The following LY96 variants were observed in gnomAD, a reference collection of about 807,000 sequenced individuals.
The protein encoded by LY96 is lymphocyte antigen 96.
A neutral mutation model predicts 18.9 loss-of-function variants in LY96; 18 were observed. That is an observed-to-expected ratio of 0.95 (90% CI 0.66 to 1.41). The LOEUF is 1.41. LY96 is among the 40% of genes most tolerant of loss of function. The pLI, the probability that LY96 is intolerant of heterozygous loss-of-function variation, is 0.00. For missense variants in LY96, 175 were observed against 182.4 expected, an observed-to-expected ratio of 0.96 and a Z score of 0.23; for synonymous variants, 66 against 62.6, an observed-to-expected ratio of 1.06 and a Z score of -0.26.
At chr8:74,085,943 A>G in the LY96 span, among the ~76,000 whole-genome samples, 1 of 152,246 alleles carries the variant, frequency 6.6e-6, no homozygotes, top group Non-Finnish European at 1.5e-5. Flanking sequence ...TACATAATAC[A>G]GTATTGTTAA....
chr8:74,068,079 A>ATAT, the LY96 span, among the ~76,000 whole-genome samples: 67 of 97,232 alleles, frequency 6.9e-4, 3 homozygotes, highest in African/African-American at 4.0e-3. Flanking sequence ...AAAAAAAAAA[A>ATAT]AAAAAAAAAA....
chr8:74,006,866 G>C (rs1057510813), intron 2 of LY96, among the ~76,000 whole-genome samples: 1 of 152,164 alleles, frequency 6.6e-6, no homozygotes, highest in Non-Finnish European at 1.5e-5. Context: ...TAATAAGACA[G>C]TACGAAATCA....
At chr8:74,022,925 T>C (rs967442230) in intron 3 of LY96, among the ~76,000 whole-genome samples, 1 of 152,138 alleles carries the variant, frequency 6.6e-6, no homozygotes, top group African/African-American at 2.4e-5. Flanking sequence ...GTCTCATCCA[T>C]CTTCCTCCCC....
At chr8:74,059,769 C>A in the LY96 span, among the ~76,000 whole-genome samples, 6 of 151,982 alleles carry the variant, frequency 3.9e-5, no homozygotes, top group Admixed American at 1.3e-4. Context: ...GATCTCAGGG[C>A]AAAATATTAG....
the LY96 span, among the ~76,000 whole-genome samples, chr8:74,079,341 ATCTCTTTTTATATGTC>A: frequency 1.3e-5 from 2 of 152,102 alleles, no homozygotes; most frequent in Non-Finnish European, 2.9e-5. Flanking sequence ...TTCATAATAA[ATCTCTTTTTATATGTC>A]TCTCTAAGTA....
At chr8:74,038,662 G>A in the LY96 span, among the ~76,000 whole-genome samples, 1 of 152,174 alleles carries the variant, frequency 6.6e-6, no homozygotes, top group Non-Finnish European at 1.5e-5. Context: ...AAAGTGCTGG[G>A]ATTATAGGCA....
chr8:74,042,313 G>T, the LY96 span, among the ~76,000 whole-genome samples: 4 of 152,294 alleles, frequency 2.6e-5, no homozygotes, highest in East Asian at 5.8e-4. Flanking sequence ...CTGAGGTCAG[G>T]AGTTCAAGAC....
At chr8:74,054,617 C>T in the LY96 span, among the ~76,000 whole-genome samples, 153 of 70,170 alleles carry the variant, frequency 2.2e-3, 1 homozygote, top group African/African-American at 7.3e-3. Context: ...TTTCCTTTTC[C>T]TTCTTTCTTT....
intron 4 of LY96, among the ~76,000 whole-genome samples, chr8:74,027,687 C>T (rs1450702109): frequency 6.6e-6 from 1 of 152,152 alleles, no homozygotes; most frequent in African/African-American, 2.4e-5. Flanking sequence ...AAATTATCGC[C>T]AGACCAACTC....
downstream of LY96, among the ~76,000 whole-genome samples, chr8:74,030,933 C>T (rs148377228): frequency 5.3e-5 from 8 of 152,270 alleles, no homozygotes; most frequent in East Asian, 1.9e-4. Flanking sequence ...GGAGAATCCC[C>T]GAGTACCCAT....
At chr8:74,017,964 C>T (rs563974153) in intron 3 of LY96, among the ~76,000 whole-genome samples, 1 of 152,322 alleles carries the variant, frequency 6.6e-6, no homozygotes, top group South Asian at 2.1e-4. Context: ...ATTGTAGCGA[C>T]TATTGATGCT....
chr8:74,042,952 A>G, the LY96 span, among the ~76,000 whole-genome samples: 5 of 151,740 alleles, frequency 3.3e-5, no homozygotes, highest in Non-Finnish European at 5.9e-5. Flanking sequence ...AATTTTTTGT[A>G]TTTTTAGTAG....
At chr8:74,054,661 TTTC>T in the LY96 span, among the ~76,000 whole-genome samples, 1 of 142,766 alleles carries the variant, frequency 7.0e-6, no homozygotes, top group Non-Finnish European at 1.5e-5. Context: ...TCTTTCTTTC[TTTC>T]TTTCTTTCTT....
rs141504244 is a variant in LY96, at chr8:74,025,964, C to T, written c.332-825C>T. On this transcript the variant is annotated intron_variant, in intron 3 of 4. Transcript: ENST00000284818. ...CAGAGGTTGCAGTGAGCTGAGATCA[C>T]GCCATTGTACTCCGGCCTGGGCAAC... Among the ~76,000 whole-genome samples, 544 of 152,086 alleles carry T rather than the reference C, an allele frequency of 3.6e-3. 6 individuals are homozygous for T. Among genetic ancestry groups the T allele is most frequent in the African/African-American group, 0.012 (487 of 41,496 alleles).
At chr8:74,018,031 G>A (rs987322321) in intron 3 of LY96, among the ~76,000 whole-genome samples, 1 of 152,118 alleles carries the variant, frequency 6.6e-6, no homozygotes, top group African/African-American at 2.4e-5. Context: ...ATAATGACAG[G>A]ATCAAATTCA....
chr8:74,049,877 G>A, the LY96 span, among the ~76,000 whole-genome samples: 2 of 152,190 alleles, frequency 1.3e-5, no homozygotes, highest in Non-Finnish European at 2.9e-5. Flanking sequence ...GTGGAGCCCG[G>A]CATCGTGGTG....
At chr8:74,098,185 C>T in the LY96 span, among the ~76,000 whole-genome samples, 7 of 152,082 alleles carry the variant, frequency 4.6e-5, no homozygotes, top group African/African-American at 1.7e-4. Context: ...TCTAGCCCTT[C>T]GGTATTCAAT....
chr8:74,018,526 T>C (rs1816691861), intron 3 of LY96, among the ~76,000 whole-genome samples: 1 of 152,052 alleles, frequency 6.6e-6, no homozygotes, highest in African/African-American at 2.4e-5. Flanking sequence ...AGACAGAAGG[T>C]TAACAAGGAT....
At chr8:74,030,110 AG>A (rs1300640305), downstream of LY96, among the ~76,000 whole-genome samples, 1 of 152,238 alleles carries the variant, frequency 6.6e-6, no homozygotes. Flanking sequence ...GCATCCTGGG[AG>A]CATGGCAACT....
Sources: allele counts gnomAD v4.1 joint callset (sites outside exome capture counted in the v4.1 genomes callset), GRCh38; gene constraint gnomAD v4.1.1; transcripts MANE v1.5; gene names NCBI Gene and HGNC (gene_info 2026-07-23, HGNC 2026-07-21).